ZFAT: variants seen among roughly 807,000 people sequenced by gnomAD.
ZFAT encodes the protein zinc finger and AT-hook domain containing.
A neutral mutation model predicts 117.7 loss-of-function variants in ZFAT; 64 were observed. The ratio of observed to expected loss-of-function variants is 0.54; its 90% CI spans 0.44 to 0.67. The LOEUF (loss-of-function observed/expected upper bound fraction) is 0.67. Among genes scored for constraint, ZFAT ranks in the 30% least tolerant of loss-of-function variants. The pLI is 0.00. For synonymous variants in ZFAT, 679 were observed against 615.0 expected (o/e 1.10, Z -1.54); for missense variants, 1,433 against 1,584.5 (o/e 0.90, Z 1.62).
intron 7 of ZFAT, among the ~76,000 whole-genome samples, chr8:134,597,085 A>T (rs1396650815): frequency 6.6e-6 from 1 of 152,268 alleles, no homozygotes; most frequent in Non-Finnish European, 1.5e-5. Flanking sequence ...TACCAAAAAA[A>T]ATCCACGTTA....
chr8:134,661,508 A>T (rs536874442), intron 1 of ZFAT, among the ~76,000 whole-genome samples: 60 of 152,284 alleles, frequency 3.9e-4, no homozygotes, highest in Non-Finnish European at 7.1e-4. Context: ...TCCCCCTAGA[A>T]TGTGAGGTCA....
At chr8:134,786,984 GACT>G in the ZFAT span, among the ~76,000 whole-genome samples, 1 of 151,920 alleles carries the variant, frequency 6.6e-6, no homozygotes, top group African/African-American at 2.4e-5. Flanking sequence ...AAGTAACTGG[GACT>G]ACAAGTGCAT....
chr8:134,542,855 T>C (rs1448880373), intron 11 of ZFAT, among the ~76,000 whole-genome samples: 3 of 152,214 alleles, frequency 2.0e-5, no homozygotes, highest in Non-Finnish European at 4.4e-5. Context: ...ATGCAGTTAC[T>C]GCACAGAAGA....
the ZFAT span, among the ~76,000 whole-genome samples, chr8:134,772,475 G>T: frequency 2.0e-5 from 3 of 152,146 alleles, no homozygotes; most frequent in Non-Finnish European, 2.9e-5. Context: ...CCAGAGCAAG[G>T]CCCTAATTAT....
chr8:134,732,726 T>A, the ZFAT span, among the ~76,000 whole-genome samples: 1 of 152,198 alleles, frequency 6.6e-6, no homozygotes, highest in Non-Finnish European at 1.5e-5. Context: ...GGCTACATAC[T>A]TTACGTTTCC....
chr8:134,667,567 C>T (rs558245498), intron 1 of ZFAT, among the ~76,000 whole-genome samples: 2 of 136,410 alleles, frequency 1.5e-5, no homozygotes, highest in South Asian at 4.9e-4. Context: ...ATGTAACAAA[C>T]CTTCATGTTC....
chr8:134,742,416 C>T, the ZFAT span, among the ~76,000 whole-genome samples: 3 of 152,288 alleles, frequency 2.0e-5, no homozygotes, highest in African/African-American at 7.2e-5. Context: ...CTCATCCCCT[C>T]CTCTCTCCCA....
At chr8:134,582,200 G>A (rs749612479) in intron 10 of ZFAT, among the ~76,000 whole-genome samples, 1 of 152,148 alleles carries the variant, frequency 6.6e-6, no homozygotes, top group African/African-American at 2.4e-5. Context: ...TACTCACACC[G>A]ACCCCATCCC....
rs138497548 is a variant in ZFAT at position 134,673,488 on chromosome 8, A to C, written c.20-15751T>G. On this transcript the variant is annotated intron_variant, in intron 1 of 15. Transcript: ENST00000377838. The stretch of plus-strand genomic sequence containing the variant: ...CCTTCTGAGAATGCTAGAATTGGGG[A>C]TTATGACACCAAGTCACTTCAGCCA... 4.9e-3 allele frequency: 1,059 copies of C among 216,480 alleles called. 13 individuals carry two copies. The highest frequency in any genetic ancestry group is 0.023 in the African/African-American group (983 of 43,418). The allele number at this position is 216,480 out of a possible 1,614,324, so 13.4% of individuals were successfully genotyped here.
In ZFAT at chr8:134,607,159, C is replaced by G. The variant is rs774207866; in HGVS notation, c.785+1570G>C. 2.2e-3 allele frequency among the ~76,000 whole-genome samples: 339 copies of G among 152,174 alleles called. 1 individual carries two copies. The highest frequency in any genetic ancestry group is 3.0e-3 in the Non-Finnish European group (202 of 67,996). On this transcript the variant is annotated intron_variant, in intron 5 of 15. Coordinates refer to ENST00000377838, the MANE Select transcript of ZFAT (RefSeq NM_020863.4). ...ATTAACATTTAGCTGAACCTCCCCG[C>G]CAACAGACCTTGAAATATTGTGAAG...
intron 15 of ZFAT, among the ~76,000 whole-genome samples, chr8:134,492,995 A>C (rs1818161819): frequency 6.6e-6 from 1 of 152,216 alleles, no homozygotes; most frequent in African/African-American, 2.4e-5. Flanking sequence ...GATTCATCCC[A>C]CTGTCAGGCT....
At chr8:134,776,137 C>T in the ZFAT span, among the ~76,000 whole-genome samples, 1 of 152,198 alleles carries the variant, frequency 6.6e-6, no homozygotes, top group Non-Finnish European at 1.5e-5. Flanking sequence ...CACATATTAT[C>T]TGATTCACAT....
At chr8:134,616,078 C>T (rs1382392970) in intron 3 of ZFAT, among the ~76,000 whole-genome samples, 1 of 152,176 alleles carries the variant, frequency 6.6e-6, no homozygotes, top group African/African-American at 2.4e-5. Flanking sequence ...CCAGACGCCA[C>T]CCAGAGACTC....
chr8:134,667,897 T>C (rs1288248052), intron 1 of ZFAT, among the ~76,000 whole-genome samples: 1 of 152,056 alleles, frequency 6.6e-6, no homozygotes, highest in Admixed American at 6.6e-5. Context: ...GAAAATCGGG[T>C]CACTCCCACC....
At chr8:134,548,004 A>G (rs1005250934) in intron 11 of ZFAT, among the ~76,000 whole-genome samples, 1 of 152,242 alleles carries the variant, frequency 6.6e-6, no homozygotes, top group Non-Finnish European at 1.5e-5. Flanking sequence ...GTGAAGGACC[A>G]GGCATGGCCC....
chr8:134,683,690 G>GC (rs1563760834), intron 1 of ZFAT, among the ~76,000 whole-genome samples: 1 of 152,018 alleles, frequency 6.6e-6, no homozygotes, highest in Admixed American at 6.5e-5. Context: ...TCCACCAAGA[G>GC]CCCCCCGCCA....
chr8:134,662,290 A>G (rs931468935), intron 1 of ZFAT, among the ~76,000 whole-genome samples: 2 of 152,192 alleles, frequency 1.3e-5, no homozygotes, highest in Non-Finnish European at 2.9e-5. Context: ...ATTAGGGGGT[A>G]GGTTTTGATC....
chr8:134,490,831 C>T (rs1817999332), intron 15 of ZFAT, among the ~76,000 whole-genome samples: 1 of 152,138 alleles, frequency 6.6e-6, no homozygotes, highest in South Asian at 2.1e-4. Flanking sequence ...TCCCAACTAC[C>T]CTCTCACATC....
chr8:134,537,741 G>C (rs1586665996), intron 11 of ZFAT, among the ~76,000 whole-genome samples: 1 of 152,202 alleles, frequency 6.6e-6, no homozygotes, highest in Admixed American at 6.5e-5. Context: ...AACTGCAGTG[G>C]TATGGACGAG....
Sources: gnomAD v4.1 joint callset for allele counts (sites outside exome capture counted in the v4.1 genomes callset) on GRCh38, gnomAD v4.1.1 for gene constraint, MANE v1.5 for transcripts, NCBI Gene and HGNC (gene_info 2026-07-23, HGNC 2026-07-21) for gene names.